AFG2A: variants seen among roughly 807,000 people sequenced by gnomAD.
The protein encoded by AFG2A is AAA ATPase AFG2A.
the AFG2A span, among the ~76,000 whole-genome samples, chr4:123,229,847 T>C: frequency 2.0e-5 from 3 of 152,084 alleles, no homozygotes; most frequent in East Asian, 3.9e-4. Context: ...TATCTAGATT[T>C]TGGGAATCAT....
the AFG2A span, among the ~76,000 whole-genome samples, chr4:122,940,813 G>A: frequency 6.2e-4 from 94 of 151,278 alleles, no homozygotes; most frequent in Middle Eastern, 3.4e-3. Context: ...TTTTGTATAA[G>A]GTGTAAGGAA....
the AFG2A span, among the ~76,000 whole-genome samples, chr4:123,272,739 G>T: frequency 6.6e-6 from 1 of 152,112 alleles, no homozygotes; most frequent in Non-Finnish European, 1.5e-5. Context: ...GCAAAAACTA[G>T]ATCGTAGAGA....
chr4:122,935,624 A>T, the AFG2A span: 2 of 1,416,236 alleles, frequency 1.4e-6, no homozygotes, highest in Non-Finnish European at 1.9e-6. Flanking sequence ...AGGTAAAGTT[A>T]AATTTTATAA....
At chr4:123,163,454 A>C in the AFG2A span, among the ~76,000 whole-genome samples, 11 of 152,008 alleles carry the variant, frequency 7.2e-5, no homozygotes, top group Admixed American at 5.9e-4. Context: ...AAAAACAAAC[A>C]AAAAAAACCC....
At chr4:123,068,791 A>G in the AFG2A span, among the ~76,000 whole-genome samples, 3 of 152,130 alleles carry the variant, frequency 2.0e-5, no homozygotes, top group East Asian at 3.9e-4. Flanking sequence ...TGATCACTCC[A>G]CTGGTTATTC....
chr4:123,273,481 G>A, the AFG2A span, among the ~76,000 whole-genome samples: 1 of 152,098 alleles, frequency 6.6e-6, no homozygotes, highest in Non-Finnish European at 1.5e-5. Context: ...CAAAGGAGAA[G>A]CTCTATACAT....
At chr4:123,066,604 T>A in the AFG2A span, among the ~76,000 whole-genome samples, 1 of 152,172 alleles carries the variant, frequency 6.6e-6, no homozygotes, top group Non-Finnish European at 1.5e-5. Context: ...AAAATTCTCA[T>A]GTATCTAAAT....
the AFG2A span, among the ~76,000 whole-genome samples, chr4:123,132,186 A>G: frequency 1.3e-5 from 2 of 152,302 alleles, no homozygotes; most frequent in African/African-American, 2.4e-5. Flanking sequence ...ACAGACACAT[A>G]TACATTGTTA....
the AFG2A span, among the ~76,000 whole-genome samples, chr4:123,310,659 A>G: frequency 1.3e-5 from 2 of 152,204 alleles, no homozygotes; most frequent in African/African-American, 2.4e-5. Context: ...ACATGCCTGG[A>G]TCTTCCACCT....
chr4:123,125,790 G>A, the AFG2A span, among the ~76,000 whole-genome samples: 3 of 151,986 alleles, frequency 2.0e-5, no homozygotes, highest in East Asian at 3.9e-4. Context: ...TCCAGCCTCC[G>A]GTTTTGTTTT....
chr4:123,010,696 C>T, the AFG2A span, among the ~76,000 whole-genome samples: 15 of 152,202 alleles, frequency 9.9e-5, no homozygotes, highest in Non-Finnish European at 2.1e-4. Context: ...GTAATTTCTA[C>T]CCTAAGACAG....
the AFG2A span, among the ~76,000 whole-genome samples, chr4:123,012,935 G>A: frequency 6.6e-6 from 1 of 152,160 alleles, no homozygotes; most frequent in Non-Finnish European, 1.5e-5. Context: ...CCCTATCCGA[G>A]TCACGGCACC....
At chr4:123,251,096 AAAAT>A in the AFG2A span, among the ~76,000 whole-genome samples, 1 of 152,204 alleles carries the variant, frequency 6.6e-6, no homozygotes, top group Non-Finnish European at 1.5e-5. Context: ...ACAGCTAAAA[AAAAT>A]AAATAAATAA....
the AFG2A span, among the ~76,000 whole-genome samples, chr4:122,941,334 G>A: frequency 2.0e-5 from 3 of 151,250 alleles, no homozygotes; most frequent in African/African-American, 4.9e-5. Context: ...AGTTCTCCTT[G>A]AAGAGGTCCT....
chr4:123,208,016 A>T, the AFG2A span, among the ~76,000 whole-genome samples: 1 of 152,210 alleles, frequency 6.6e-6, no homozygotes, highest in African/African-American at 2.4e-5. Context: ...TTCACTTTGC[A>T]ATTTCAAAAC....
the AFG2A span, among the ~76,000 whole-genome samples, chr4:123,110,714 G>A: frequency 6.6e-6 from 1 of 152,132 alleles, no homozygotes; most frequent in African/African-American, 2.4e-5. Context: ...CGTGCTTTAT[G>A]TACATAATCT....
chr4:123,237,092 A>C, the AFG2A span, among the ~76,000 whole-genome samples: 1 of 152,232 alleles, frequency 6.6e-6, no homozygotes, highest in South Asian at 2.1e-4. Flanking sequence ...TTTCCTGTAA[A>C]AGGCCAGATG....
the AFG2A span, among the ~76,000 whole-genome samples, chr4:123,291,177 C>A: frequency 6.6e-6 from 1 of 151,964 alleles, no homozygotes; most frequent in East Asian, 1.9e-4. Flanking sequence ...TTTTTTCATC[C>A]CCTTACCTTG....
At chr4:122,931,823 A>G in the AFG2A span, among the ~76,000 whole-genome samples, 2 of 152,140 alleles carry the variant, frequency 1.3e-5, no homozygotes, top group African/African-American at 4.8e-5. Flanking sequence ...GGGTCACCCA[A>G]ATTTTTTGCT....
Sources: gnomAD v4.1 joint callset for allele counts (sites outside exome capture counted in the v4.1 genomes callset) on GRCh38, gnomAD v4.1.1 for gene constraint, MANE v1.5 for transcripts, NCBI Gene and HGNC (gene_info 2026-07-23, HGNC 2026-07-21) for gene names.